BORA: variants seen among roughly 807,000 people sequenced by gnomAD.
BORA encodes protein aurora borealis.
In BORA, 26 loss-of-function variants were observed where a neutral mutation model predicts 55.8. The observed-to-expected ratio is 0.47, with a 90% CI of 0.34 to 0.65. The LOEUF (loss-of-function observed/expected upper bound fraction) is 0.65, where lower values mean the gene tolerates loss of function less well. BORA is among the 30% of genes least tolerant of loss of function. BORA has a pLI of 0.01. For missense variants in BORA, 568 were observed against 671.5 expected (o/e 0.85, Z 1.70); for synonymous variants, 201 against 216.9 (o/e 0.93, Z 0.64).
rs1170704061 is a variant in BORA at position 72,747,064 on chromosome 13, C to T, written c.1435C>T (p.Pro479Ser). Residue 479 changes from proline to serine, a missense_variant, in exon 10 of 12, where the codon CCT (proline) becomes TCT (serine). By Grantham distance (74) the Pro-to-Ser change is moderately conservative (BLOSUM62 -1). Coordinates refer to ENST00000390667, the MANE Select transcript of BORA (RefSeq NM_024808.5). ...SIENSHMCMS[P>S]LAESSVIPCE... ...TGAAAACTCTCATATGTGCATGTCA[C>T]CTCTTGCTGAAAGCAGTGTCATTCC... 1.2e-6 allele frequency: 2 copies of T among 1,614,016 alleles called. No homozygotes were observed. Among genetic ancestry groups the T allele is most frequent in the Non-Finnish European group, 1.7e-6 (2 of 1,179,952 alleles).
At chr13:72,735,072 T>C (rs1257822926) in intron 4 of BORA, 67 bp downstream of exon 4, 8 of 1,267,212 alleles carry the variant, frequency 6.3e-6, no homozygotes, top group African/African-American at 1.5e-5. Flanking sequence ...TCACTTCTTT[T>C]AGGAAGACTT....
Position 72,727,935 on chromosome 13 carries a change from C to T in BORA, c.-88C>T, listed in dbSNP as rs1227962265. The stretch of plus-strand genomic sequence containing the variant: ...GAAGCGGGGAGTTAAAGAGTCTATG[C>T]CTGTCGTGGAAGCTGGCCTGGCCCC... On this transcript the variant is annotated 5_prime_UTR_variant, in exon 1 of 12. Transcript: ENST00000390667. 5.2e-6 allele frequency: 8 copies of T among 1,550,638 alleles called. No homozygotes were observed. The highest frequency in any genetic ancestry group is 7.0e-6 in the Non-Finnish European group (8 of 1,147,002).
Position 72,746,054 on chromosome 13 carries a change from G to A in BORA, c.849G>A (p.Gln283=), listed in dbSNP as rs1172303707. Residue 283 remains glutamine (Q), a synonymous_variant, in exon 9 of 12, where the codon CAG becomes CAA. Transcript: ENST00000390667. Reference sequence around the variant, plus strand: ...CCACTTTCTCACCAATTGAATTTCAGATAGGAGAGACTCCACTCTCAGGTA... The same window carrying A: ...CCACTTTCTCACCAATTGAATTTCAAATAGGAGAGACTCCACTCTCAGGTA... ...SSPTFSPIEF[Q]IGETPLSEQR... is the part of the protein sequence containing the mutation. The A allele has an allele frequency of 1.9e-6, 3 of 1,611,368 alleles. No individual in the cohort carries two copies. The highest frequency in any genetic ancestry group is 2.2e-5 in the East Asian group (1 of 44,786).
Position 72,731,327 on chromosome 13 carries a change from A to G in BORA, c.200A>G (p.Asn67Ser), listed in dbSNP as rs1169977832. The change falls in exon 3 of 12, where the codon AAT becomes AGT. Residue 67 changes from asparagine (N) to serine (S), a missense_variant. Transcript: ENST00000390667. ...RWSIDQLAVI[N>S]PVEIDPEDIH... ...TCTATTGATCAACTAGCTGTAATAA[A>G]TCCTGTAGAAATAGACCCAGAAGAT... The G allele has an allele frequency of 2.5e-6, 4 of 1,612,558 alleles. No individual in the cohort carries two copies. In the African/African-American group the frequency reaches 5.3e-5, roughly 22 times the overall value.
chr13:72,746,769 T>C lies in BORA; in HGVS notation c.1140T>C (p.Ala380=), dbSNP rs932427121. 4.3e-6 allele frequency: 7 copies of C among 1,614,174 alleles called. No individual in the cohort carries two copies. The highest frequency in any genetic ancestry group is 5.9e-6 in the Non-Finnish European group (7 of 1,180,020). Residue 380 remains alanine, a synonymous_variant, in exon 10 of 12, where the codon GCT becomes GCC. Coordinates refer to ENST00000390667, the MANE Select transcript of BORA (RefSeq NM_024808.5). ...ATGTCTCATCACCCGCCATGGATGC[T>C]GCTGGAATACACCTACGGCAGTTTA... ...STDVSSPAMD[A]AGIHLRQFSN...
chr13:72,735,631 C>T (rs925393431), intron 4 of BORA, among the ~76,000 whole-genome samples: 3 of 151,916 alleles, frequency 2.0e-5, no homozygotes, highest in Admixed American at 6.6e-5. Flanking sequence ...TTTTTTGAGA[C>T]GGCGTTTCGT....
At chr13:72,745,732 ATG>A (rs1307115263) in intron 8 of BORA, among the ~76,000 whole-genome samples, 1 of 152,180 alleles carries the variant, frequency 6.6e-6, no homozygotes, top group Non-Finnish European at 1.5e-5. Flanking sequence ...TTCAAATACA[ATG>A]TGTTTATATT....
intron 5 of BORA, among the ~76,000 whole-genome samples, chr13:72,738,504 T>G (rs143554539): frequency 1.1e-4 from 16 of 152,240 alleles, no homozygotes; most frequent in African/African-American, 3.6e-4. Flanking sequence ...ATCTGCAAAA[T>G]TAATAAGGAA....
intron 4 of BORA, among the ~76,000 whole-genome samples, chr13:72,736,113 ACAG>A (rs2032922138): frequency 6.7e-6 from 1 of 149,356 alleles, no homozygotes; most frequent in African/African-American, 2.4e-5. Flanking sequence ...TAGTAACTGC[ACAG>A]TTTTCATTCT....
intron 10 of BORA, 51 bp downstream of exon 10, chr13:72,747,162 T>C (rs747978777): frequency 6.4e-7 from 1 of 1,562,194 alleles, no homozygotes; most frequent in South Asian, 1.2e-5. Context: ...TGGTGTTCTT[T>C]ATCCTTTCTA....
rs371843219 is a variant in BORA at position 72,747,752 on chromosome 13, C to T, written c.1482+641C>T. ...TTAGCTATGTTGGCCAGGCTGGTCT[C>T]GAACTCATGACCTCAGTTGATCCGC... On this transcript the variant is annotated intron_variant, in intron 10 of 11. Coordinates refer to ENST00000390667, the MANE Select transcript of BORA (RefSeq NM_024808.5). Among the ~76,000 whole-genome samples, 119 of 152,120 alleles carry T rather than the reference C, an allele frequency of 7.8e-4. 1 individual carries two copies. The highest frequency in any genetic ancestry group is 2.7e-3 in the African/African-American group (113 of 41,506).
At chr13:72,744,595 T>C in intron 7 of BORA, 34 bp downstream of exon 7, 1 of 1,509,698 alleles carries the variant, frequency 6.6e-7, no homozygotes, top group Non-Finnish European at 9.1e-7. Flanking sequence ...TTTTAATAAC[T>C]TGAACCAAAG....
chr13:72,735,748 TACAGGC>T (rs2032910788), intron 4 of BORA, among the ~76,000 whole-genome samples: 3 of 151,746 alleles, frequency 2.0e-5, no homozygotes, highest in Non-Finnish European at 4.4e-5. Flanking sequence ...TAGCTGGGAT[TACAGGC>T]ATGCGCCACC....
At chr13:72,734,505 G>T (rs1241199013) in intron 3 of BORA, among the ~76,000 whole-genome samples, 1 of 152,092 alleles carries the variant, frequency 6.6e-6, no homozygotes, top group Admixed American at 6.6e-5. Flanking sequence ...TGACTGTTTA[G>T]AACTGTGAAC....
chr13:72,737,105 C>T (rs1215134319), intron 4 of BORA, among the ~76,000 whole-genome samples: 1 of 151,796 alleles, frequency 6.6e-6, no homozygotes, highest in Non-Finnish European at 1.5e-5. Flanking sequence ...CTTGCAAAAC[C>T]TAGGGAAGGG....
Position 72,755,734 on chromosome 13 carries a change from C to T in BORA, c.*518C>T, listed in dbSNP as rs2033445294. On this transcript the variant is annotated 3_prime_UTR_variant, in exon 12 of 12. Transcript: ENST00000390667. The stretch of plus-strand genomic sequence containing the variant: ...GAAATTTTAGTTCTTGGTCTGTTCA[C>T]CTCTGTGGGGAAAATTCTTAGTTCC... The T allele has an allele frequency of 2.5e-6, 1 of 397,214 alleles. No individual in the cohort carries two copies. The highest frequency in any genetic ancestry group is 4.4e-6 in the Non-Finnish European group (1 of 225,800). The allele number at this position is 397,214 out of a possible 1,614,324, so 24.6% of individuals were successfully genotyped here. A position where few individuals can be genotyped will look rare whatever the true frequency, so the allele number is the denominator to read the frequency against.
chr13:72,745,849 A>G, intron 8 of BORA, 95 bp from the exon 9 acceptor site: 1 of 1,089,000 alleles, frequency 9.2e-7, no homozygotes, highest in East Asian at 2.6e-5. Context: ...TTACTAGTTT[A>G]TAAGTGTGTT....
rs750148563 is a variant in BORA at position 72,743,579 on chromosome 13, CCATT to C, written c.437_440del (p.His146LeufsTer20). ...GACTCTCCAGTTGGAAAAAAGCTGA[CCATT>C]CATTCTGAGAAAAGCGATGGTGAGT... On this transcript the variant is annotated frameshift_variant, in exon 6 of 12. Coordinates refer to ENST00000390667, the MANE Select transcript of BORA (RefSeq NM_024808.5). LOFTEE classifies it high-confidence loss of function. 1.2e-6 allele frequency: 2 copies of C among 1,608,712 alleles called. No homozygotes were observed. Among genetic ancestry groups the C allele is most frequent in the African/African-American group, 1.4e-5 (1 of 73,006 alleles).
In BORA at chr13:72,755,387, T is replaced by G; in HGVS notation, c.*171T>G. On this transcript the variant is annotated 3_prime_UTR_variant, in exon 12 of 12. Transcript: ENST00000390667. ...ACTGACATAGGAACAACAGAAATGC[T>G]CCTGGAACTTCAAGTTGCTGAATTA... The G allele has an allele frequency of 1.9e-6, 1 of 538,386 alleles. No homozygotes were observed. Among genetic ancestry groups the G allele is most frequent in the Non-Finnish European group, 3.3e-6 (1 of 305,854 alleles). 33.4% of individuals were successfully genotyped at this position (538,386 alleles called of 1,614,324 possible). A position where few individuals can be genotyped will look rare whatever the true frequency, so the allele number is the denominator to read the frequency against.
Sources: gnomAD v4.1 joint callset for allele counts (sites outside exome capture counted in the v4.1 genomes callset) on GRCh38, gnomAD v4.1.1 for gene constraint, MANE v1.5 for transcripts, NCBI Gene and HGNC (gene_info 2026-07-23, HGNC 2026-07-21) for gene names.